Variants in CAST observed in about 807,000 individuals in gnomAD.
CAST encodes MIR583 host.
Under a neutral mutation model 119.6 loss-of-function variants are expected in CAST, and 76 were observed. That is an observed-to-expected ratio of 0.64 (90% confidence interval 0.53 to 0.77). CAST has a LOEUF of 0.77. Among genes scored for constraint, CAST ranks in the 30% least tolerant of loss-of-function variants. The pLI, the probability that CAST is intolerant of heterozygous loss-of-function variation, is 0.00. For missense variants in CAST, 953 were observed against 946.5 expected (o/e 1.01, Z -0.09); for synonymous variants, 319 against 331.6 (o/e 0.96, Z 0.41).
the CAST span, among the ~76,000 whole-genome samples, chr5:95,966,324 C>T: frequency 3.9e-5 from 6 of 152,088 alleles, no homozygotes; most frequent in East Asian, 5.8e-4. Context: ...TGAAAGGAAT[C>T]GCTTATCTGA....
chr5:96,720,636 C>T lies in CAST; in HGVS notation c.211-2003C>T, dbSNP rs112472061. ...TCAGCTAAATTCCCACTACACCCTG[C>T]GCCATTGCTGATTTTCAGCTGTTCT... is the stretch of plus-strand genomic sequence containing the variant. On this transcript the variant is annotated intron_variant, in intron 3 of 31. Coordinates refer to ENST00000675179, the MANE Select transcript of CAST (RefSeq NM_001750.7). 8.8e-3 allele frequency among the ~76,000 whole-genome samples: 1,341 copies of T among 152,362 alleles called. 12 individuals are homozygous for T. The highest frequency in any genetic ancestry group is 0.012 in the Non-Finnish European group (816 of 68,036).
At chr5:95,964,306 G>C in the CAST span, among the ~76,000 whole-genome samples, 1 of 152,116 alleles carries the variant, frequency 6.6e-6, no homozygotes, top group Non-Finnish European at 1.5e-5. Context: ...GGTGCTTTTT[G>C]GGAAGGTTGC....
intron 10 of CAST, among the ~76,000 whole-genome samples, chr5:96,737,445 A>G (rs1464226308): frequency 1.3e-5 from 2 of 152,238 alleles, no homozygotes; most frequent in African/African-American, 4.8e-5. Flanking sequence ...AAGTATTGAT[A>G]AGCAATAAAT....
At chr5:96,696,031 C>A (rs1419102777) in intron 3 of CAST, 124 bp downstream of exon 3, 3 of 500,032 alleles carry the variant, frequency 6.0e-6, no homozygotes, top group East Asian at 6.3e-5. Flanking sequence ...AACAAAGTAT[C>A]ATTTCTGTGC....
the CAST span, among the ~76,000 whole-genome samples, chr5:96,367,707 C>G: frequency 6.6e-6 from 1 of 152,082 alleles, no homozygotes; most frequent in Admixed American, 6.5e-5. Context: ...ACCCAATTTT[C>G]CAGGTGCCAT....
At chr5:96,285,939 T>C in the CAST span, among the ~76,000 whole-genome samples, 4 of 152,240 alleles carry the variant, frequency 2.6e-5, no homozygotes, top group Non-Finnish European at 4.4e-5. Context: ...GGAAGGCATG[T>C]CATTGAATAG....
the CAST span, among the ~76,000 whole-genome samples, chr5:96,380,932 G>A: frequency 0.045 from 6,860 of 152,204 alleles, 220 homozygotes; most frequent in Non-Finnish European, 0.069. Flanking sequence ...AGCCGAAAAA[G>A]TTTATTGGTA....
chr5:96,200,846 T>C, the CAST span, among the ~76,000 whole-genome samples: 2 of 152,150 alleles, frequency 1.3e-5, no homozygotes, highest in Non-Finnish European at 2.9e-5. Flanking sequence ...CTTAGCCTAA[T>C]AAATGTTGGC....
intron 3 of CAST, among the ~76,000 whole-genome samples, chr5:96,709,151 TC>T (rs1181691130): frequency 6.6e-6 from 1 of 152,258 alleles, no homozygotes; most frequent in Non-Finnish European, 1.5e-5. Flanking sequence ...TTTATTTTTC[TC>T]ATGCATATGC....
the CAST span, among the ~76,000 whole-genome samples, chr5:96,373,155 T>G: frequency 6.6e-6 from 1 of 152,240 alleles, no homozygotes; most frequent in Non-Finnish European, 1.5e-5. Context: ...CTCTGACAGC[T>G]GATTACATTA....
At chr5:96,609,437 A>G (rs759537434) in intron 1 of CAST, among the ~76,000 whole-genome samples, 1 of 152,236 alleles carries the variant, frequency 6.6e-6, no homozygotes, top group Non-Finnish European at 1.5e-5. Context: ...TAACATGTAC[A>G]CAAATCACTA....
the CAST span, among the ~76,000 whole-genome samples, chr5:96,004,096 T>C: frequency 2.6e-5 from 4 of 152,164 alleles, no homozygotes; most frequent in Non-Finnish European, 4.4e-5. Flanking sequence ...GTAAGTTGAT[T>C]TGGGCTTTAG....
chr5:96,435,254 T>C, the CAST span, among the ~76,000 whole-genome samples: 1 of 152,240 alleles, frequency 6.6e-6, no homozygotes, highest in Admixed American at 6.5e-5. Flanking sequence ...TCCGTGTCTC[T>C]CTCATTAATG....
At chr5:96,449,037 A>G in the CAST span, among the ~76,000 whole-genome samples, 1 of 152,096 alleles carries the variant, frequency 6.6e-6, no homozygotes, top group African/African-American at 2.4e-5. Context: ...CTCCAAGACA[A>G]TCATCCCACT....
the CAST span, among the ~76,000 whole-genome samples, chr5:96,048,800 T>G: frequency 1.2e-3 from 176 of 152,272 alleles, no homozygotes; most frequent in African/African-American, 3.9e-3. Flanking sequence ...TTTTTCCCCT[T>G]TAGACAAAGC....
chr5:96,214,129 A>G, the CAST span, among the ~76,000 whole-genome samples: 1 of 152,306 alleles, frequency 6.6e-6, no homozygotes, highest in South Asian at 2.1e-4. Flanking sequence ...ATGTTCTCTT[A>G]CAGAAGATTA....
upstream of CAST, among the ~76,000 whole-genome samples, chr5:96,659,904 A>G (rs1487846734): frequency 6.6e-6 from 1 of 152,218 alleles, no homozygotes; most frequent in Non-Finnish European, 1.5e-5. Context: ...TTCACTGGCT[A>G]CAAGGAAAAG....
At chr5:96,643,670 G>A (rs1439949166) in intron 1 of CAST, among the ~76,000 whole-genome samples, 1 of 152,022 alleles carries the variant, frequency 6.6e-6, no homozygotes, top group Non-Finnish European at 1.5e-5. Context: ...GTCAGGAGAT[G>A]GAGACCAACC....
At chr5:96,704,277 A>G (rs1357053924) in intron 3 of CAST, among the ~76,000 whole-genome samples, 3 of 152,236 alleles carry the variant, frequency 2.0e-5, no homozygotes, top group African/African-American at 7.2e-5. Flanking sequence ...TCCGAATGCC[A>G]GAGAGTAGTT....
Sources: gnomAD v4.1 joint callset for allele counts (sites outside exome capture counted in the v4.1 genomes callset) on GRCh38, gnomAD v4.1.1 for gene constraint, MANE v1.5 for transcripts, NCBI Gene and HGNC (gene_info 2026-07-23, HGNC 2026-07-21) for gene names.